NOX4: variants seen among roughly 807,000 people sequenced by gnomAD.
The protein encoded by NOX4 is kidney oxidase-1.
In NOX4, 69 loss-of-function variants were observed where a neutral mutation model predicts 87.6. That is an observed-to-expected ratio of 0.79 (90% CI 0.65 to 0.96). The LOEUF (loss-of-function observed/expected upper bound fraction) is 0.96. Among genes scored for constraint, NOX4 ranks in the 40% least tolerant of loss-of-function variants. The pLI is 0.00. For synonymous variants in NOX4, 275 were observed against 238.2 expected (o/e 1.15, Z -1.42); for missense variants, 680 against 681.5 (o/e 1.00, Z 0.02).
At chr11:89,409,794 A>T (rs1274480757) in intron 8 of NOX4, among the ~76,000 whole-genome samples, 1 of 152,204 alleles carries the variant, frequency 6.6e-6, no homozygotes, top group African/African-American at 2.4e-5. Context: ...ATTTATTAAC[A>T]TATTGAAAAT....
At chr11:89,441,229 A>C (rs1944440164) in intron 5 of NOX4, among the ~76,000 whole-genome samples, 1 of 152,186 alleles carries the variant, frequency 6.6e-6, no homozygotes, top group Non-Finnish European at 1.5e-5. Flanking sequence ...AGTGGTGAGG[A>C]TACTCAAATA....
chr11:89,460,001 AT>A (rs1175061323), intron 2 of NOX4, among the ~76,000 whole-genome samples: 2 of 152,210 alleles, frequency 1.3e-5, no homozygotes, highest in Non-Finnish European at 2.9e-5. Flanking sequence ...CTCAGAAATA[AT>A]ACCACACATC....
At chr11:89,361,106 C>T (rs758803257) in intron 12 of NOX4, among the ~76,000 whole-genome samples, 11 of 151,986 alleles carry the variant, frequency 7.2e-5, no homozygotes, top group Non-Finnish European at 1.5e-4. Flanking sequence ...TAGGTATCTA[C>T]CCAAAGGAAA....
At position 89,490,973 on chromosome 11, in the gene NOX4, C is replaced by T. The variant is rs927779671; in HGVS notation, c.57+217G>A. 11 of 712,730 alleles carry T rather than the reference C, an allele frequency of 1.5e-5. No homozygotes were observed. In the Middle Eastern group the frequency reaches 6.8e-4, roughly 44 times the overall value. 44.2% of individuals were successfully genotyped at this position (712,730 alleles called of 1,614,324 possible). A position where few individuals can be genotyped will look rare whatever the true frequency, so the allele number is the denominator to read the frequency against. ...CCCTCTTCCTCCACATCTCTCCCAT[C>T]AATGTGCAGAAAAATTCTCATGCAT... is the stretch of plus-strand genomic sequence containing the variant. On this transcript the variant is annotated intron_variant, in intron 1 of 17. Transcript: ENST00000263317.
At chr11:89,428,251 G>C (rs1240465581) in intron 7 of NOX4, among the ~76,000 whole-genome samples, 1 of 152,030 alleles carries the variant, frequency 6.6e-6, no homozygotes, top group Non-Finnish European at 1.5e-5. Context: ...ACCGGTACCA[G>C]CCACAGCAGA....
In NOX4 at chr11:89,430,862, T is replaced by C. The variant is rs1412049664; in HGVS notation, c.548+1922A>G. On this transcript the variant is annotated intron_variant, in intron 7 of 17. Transcript: ENST00000263317. Reference sequence around the variant, plus strand: ...AGAATTGGAAAAAACTACTTTAAAGTTCATATGGAACCAAAAAAGAGCCTG... The same window carrying C: ...AGAATTGGAAAAAACTACTTTAAAGCTCATATGGAACCAAAAAAGAGCCTG... 5.3e-5 allele frequency among the ~76,000 whole-genome samples: 8 copies of C among 152,142 alleles called. 1 individual carries two copies. Among genetic ancestry groups the C allele is most frequent in the African/African-American group, 1.9e-4 (8 of 41,504 alleles).
At chr11:89,568,305 G>A in the NOX4 span, among the ~76,000 whole-genome samples, 1 of 152,102 alleles carries the variant, frequency 6.6e-6, no homozygotes, top group African/African-American at 2.4e-5. Flanking sequence ...ACAAAAAGTG[G>A]GTTCTTTGAA....
intron 5 of NOX4, among the ~76,000 whole-genome samples, chr11:89,442,272 G>T (rs1944492589): frequency 6.6e-6 from 1 of 151,896 alleles, no homozygotes; most frequent in East Asian, 1.9e-4. Flanking sequence ...GAGATGAGTT[G>T]TAGAAATAGG....
the NOX4 span, among the ~76,000 whole-genome samples, chr11:89,518,902 TA>T: frequency 4.9e-4 from 74 of 151,822 alleles, no homozygotes; most frequent in Admixed American, 2.6e-4. Context: ...GTGATTATGA[TA>T]AAAAAATCAC....
chr11:89,354,557 G>T lies in NOX4; in HGVS notation c.1217+405C>A, dbSNP rs1047389717. ...TAGAGATTGTCAAAAATCATATCTA[G>T]CCCACGGCTATTTTGAAAATGACTT... On this transcript the variant is annotated intron_variant, in intron 13 of 17. Coordinates refer to ENST00000263317, the MANE Select transcript of NOX4 (RefSeq NM_016931.5). Among the ~76,000 whole-genome samples, 79 of 152,190 alleles carry T rather than the reference G, an allele frequency of 5.2e-4. 1 individual carries two copies. Among genetic ancestry groups the T allele is most frequent in the African/African-American group, 1.8e-3 (75 of 41,536 alleles).
At chr11:89,379,326 C>G (rs923498251) in intron 11 of NOX4, among the ~76,000 whole-genome samples, 38 of 151,742 alleles carry the variant, frequency 2.5e-4, no homozygotes, top group African/African-American at 8.7e-4. Flanking sequence ...CTGGAAAAAC[C>G]CAGGTCTCAG....
the NOX4 span, among the ~76,000 whole-genome samples, chr11:89,564,587 G>C: frequency 6.6e-6 from 1 of 152,088 alleles, no homozygotes; most frequent in Non-Finnish European, 1.5e-5. Flanking sequence ...GACAAAGTGG[G>C]TAACTGGGTA....
At chr11:89,563,555 C>T in the NOX4 span, among the ~76,000 whole-genome samples, 1 of 151,796 alleles carries the variant, frequency 6.6e-6, no homozygotes, top group Non-Finnish European at 1.5e-5. Flanking sequence ...CAAGAACTTG[C>T]AAAAAAATAC....
At chr11:89,555,133 T>C in the NOX4 span, among the ~76,000 whole-genome samples, 1 of 152,042 alleles carries the variant, frequency 6.6e-6, no homozygotes, top group Non-Finnish European at 1.5e-5. Context: ...CAGAGGTAAT[T>C]AATTCCATTC....
intron 8 of NOX4, among the ~76,000 whole-genome samples, chr11:89,411,352 A>G (rs910693409): frequency 1.3e-5 from 2 of 152,130 alleles, no homozygotes; most frequent in African/African-American, 4.8e-5. Context: ...AAGGAAAGGG[A>G]AGAGTGAATG....
the NOX4 span, among the ~76,000 whole-genome samples, chr11:89,511,473 C>T: frequency 6.6e-6 from 1 of 151,850 alleles, no homozygotes; most frequent in African/African-American, 2.4e-5. Context: ...CTTTAGATTC[C>T]ACATATTAAT....
At chr11:89,571,421 T>C in the NOX4 span, among the ~76,000 whole-genome samples, 80,150 of 151,546 alleles carry the variant, frequency 0.53, 22,198 homozygotes, top group African/African-American at 0.69. Context: ...CTCAGCTTCC[T>C]GAGTAACTGG....
chr11:89,536,340 G>C, the NOX4 span, among the ~76,000 whole-genome samples: 2 of 151,630 alleles, frequency 1.3e-5, no homozygotes, highest in Non-Finnish European at 2.9e-5. Flanking sequence ...CAGAGATGGG[G>C]TTTCACCATG....
intron 4 of NOX4, among the ~76,000 whole-genome samples, chr11:89,446,750 T>C (rs1944726822): frequency 6.6e-6 from 1 of 152,098 alleles, no homozygotes; most frequent in African/African-American, 2.4e-5. Context: ...GCACAGAGGA[T>C]TTTTAGGGCA....
Sources: gnomAD v4.1 joint callset for allele counts (sites outside exome capture counted in the v4.1 genomes callset) on GRCh38, gnomAD v4.1.1 for gene constraint, MANE v1.5 for transcripts, NCBI Gene and HGNC (gene_info 2026-07-23, HGNC 2026-07-21) for gene names.